CADM2: variants seen among roughly 807,000 people sequenced by gnomAD.
CADM2 encodes immunoglobulin superfamily member 4D.
In CADM2, 12 loss-of-function variants were observed where a neutral mutation model predicts 49.8. That is an observed-to-expected ratio of 0.24 (90% CI 0.15 to 0.39). The LOEUF (loss-of-function observed/expected upper bound fraction) is 0.39, where lower values mean the gene tolerates loss of function less well. CADM2 is among the 10% of genes least tolerant of loss of function. CADM2 has a pLI of 1.00. For missense variants in CADM2, 378 were observed against 492.3 expected, an observed-to-expected ratio of 0.77 and a Z score of 2.20; for synonymous variants, 214 against 175.4, an observed-to-expected ratio of 1.22 and a Z score of -1.74.
intron 1 of CADM2, among the ~76,000 whole-genome samples, chr3:85,078,526 T>A (rs1204653345): frequency 6.6e-6 from 1 of 151,908 alleles, no homozygotes; most frequent in Non-Finnish European, 1.5e-5. Context: ...ACATCATCAA[T>A]GTAAACTTTT....
chr3:86,024,952 C>T (rs906421922), intron 8 of CADM2, among the ~76,000 whole-genome samples: 1 of 151,814 alleles, frequency 6.6e-6, no homozygotes, highest in African/African-American at 2.4e-5. Context: ...AATCTTGGCT[C>T]ATTGCACCTT....
At chr3:85,847,441 G>T (rs1421700524) in intron 3 of CADM2, among the ~76,000 whole-genome samples, 1 of 152,128 alleles carries the variant, frequency 6.6e-6, no homozygotes, top group Non-Finnish European at 1.5e-5. Flanking sequence ...TACGGCATCA[G>T]AATTGAAGCT....
intron 1 of CADM2, among the ~76,000 whole-genome samples, chr3:85,140,726 ATGTAGAC>A (rs2039551705): frequency 6.6e-6 from 1 of 152,218 alleles, no homozygotes; most frequent in South Asian, 2.1e-4. Flanking sequence ...GACAGGTAAC[ATGTAGAC>A]TTAGGTCCAG....
chr3:85,484,674 G>A (rs1009302519), intron 1 of CADM2, among the ~76,000 whole-genome samples: 22 of 151,810 alleles, frequency 1.4e-4, no homozygotes, highest in East Asian at 3.9e-4. Context: ...CTTTCTTACC[G>A]TCACAGACCC....
intron 1 of CADM2, among the ~76,000 whole-genome samples, chr3:85,144,245 G>GCACGCA (rs2039662941): frequency 6.7e-6 from 1 of 148,938 alleles, no homozygotes; most frequent in African/African-American, 2.5e-5. Context: ...TGTTACACAC[G>GCACGCA]CACACACACA....
intron 8 of CADM2, among the ~76,000 whole-genome samples, chr3:86,018,465 A>G (rs1342564732): frequency 4.6e-5 from 7 of 151,914 alleles, no homozygotes; most frequent in Admixed American, 4.6e-4. Flanking sequence ...TGACTTCCAC[A>G]ATGGTTTAAC....
intron 6 of CADM2, among the ~76,000 whole-genome samples, chr3:85,924,259 A>G (rs987565077): frequency 6.6e-6 from 1 of 152,134 alleles, no homozygotes; most frequent in Non-Finnish European, 1.5e-5. Flanking sequence ...AACTGTTTCA[A>G]ATGCACTTAA....
rs951249845 is a variant in CADM2, at chr3:85,979,523, A to G, written c.970+17876A>G. ...ATCTTGCAGAATATAGATTTAAAAT[A>G]TATGGGACTTTAAAATGTTGGTCAA... On this transcript the variant is annotated intron_variant, in intron 8 of 9. Transcript: ENST00000383699. 2.0e-5 allele frequency among the ~76,000 whole-genome samples: 3 copies of G among 151,666 alleles called. No individual in the cohort carries two copies. The East Asian group carries it at 5.8e-4, about 29-fold the overall frequency.
chr3:85,201,277 C>T (rs1350700770), intron 1 of CADM2, among the ~76,000 whole-genome samples: 1 of 152,132 alleles, frequency 6.6e-6, no homozygotes, highest in African/African-American at 2.4e-5. Context: ...TTGTTGGTTT[C>T]CCACTGCATA....
intron 1 of CADM2, among the ~76,000 whole-genome samples, chr3:85,432,702 T>C (rs963960382): frequency 3.3e-5 from 5 of 152,164 alleles, no homozygotes; most frequent in African/African-American, 1.2e-4. Flanking sequence ...GCTTTTGAAA[T>C]GTCAGTAACA....
chr3:86,055,757 G>A (rs1737911267), intron 8 of CADM2, among the ~76,000 whole-genome samples: 1 of 152,044 alleles, frequency 6.6e-6, no homozygotes, highest in Non-Finnish European at 1.5e-5. Context: ...CATGAATTTT[G>A]GAGGGACACA....
intron 1 of CADM2, among the ~76,000 whole-genome samples, chr3:85,647,898 G>C (rs978143901): frequency 6.6e-6 from 1 of 151,794 alleles, no homozygotes; most frequent in African/African-American, 2.4e-5. Flanking sequence ...TAGTGTTTAT[G>C]TATCAATAGA....
intron 1 of CADM2, among the ~76,000 whole-genome samples, chr3:85,559,931 C>A (rs934283928): frequency 6.6e-6 from 1 of 151,998 alleles, no homozygotes; most frequent in Non-Finnish European, 1.5e-5. Flanking sequence ...CTCTAAACAC[C>A]TTTTAATAAC....
At chr3:85,403,821 T>C (rs536218990) in intron 1 of CADM2, among the ~76,000 whole-genome samples, 1 of 152,250 alleles carries the variant, frequency 6.6e-6, no homozygotes, top group South Asian at 2.1e-4. Flanking sequence ...TGTGTTTAGC[T>C]GAAGAGTGCT....
intron 5 of CADM2, among the ~76,000 whole-genome samples, chr3:85,896,691 A>G (rs1380982366): frequency 2.0e-5 from 3 of 152,184 alleles, no homozygotes; most frequent in Non-Finnish European, 2.9e-5. Flanking sequence ...GACATTAGCT[A>G]TGTTTCCTTG....
intron 1 of CADM2, among the ~76,000 whole-genome samples, chr3:85,173,539 T>C (rs2040692778): frequency 6.6e-6 from 1 of 152,196 alleles, no homozygotes; most frequent in African/African-American, 2.4e-5. Context: ...ATTATGTTCT[T>C]ATGAGTGAGT....
chr3:85,860,334 T>C (rs190441771), intron 3 of CADM2, among the ~76,000 whole-genome samples: 1 of 152,146 alleles, frequency 6.6e-6, no homozygotes, highest in Admixed American at 6.6e-5. Flanking sequence ...AGGGAACATA[T>C]AATAAGATAA....
chr3:86,029,024 G>A (rs576972669), intron 8 of CADM2, among the ~76,000 whole-genome samples: 12 of 152,224 alleles, frequency 7.9e-5, no homozygotes, highest in South Asian at 4.1e-4. Context: ...GGTGAAAAGC[G>A]TGAGAAAAGA....
chr3:85,571,888 G>T (rs1240567203), intron 1 of CADM2, among the ~76,000 whole-genome samples: 1 of 152,212 alleles, frequency 6.6e-6, no homozygotes, highest in Non-Finnish European at 1.5e-5. Context: ...AGATGCAGAA[G>T]TTTAGTCATG....
Sources: allele counts gnomAD v4.1 joint callset (sites outside exome capture counted in the v4.1 genomes callset), GRCh38; gene constraint gnomAD v4.1.1; transcripts MANE v1.5; gene names NCBI Gene and HGNC (gene_info 2026-07-23, HGNC 2026-07-21).